GLIS3: variants seen among roughly 807,000 people sequenced by gnomAD.
The protein encoded by GLIS3 is zinc finger protein GLIS3.
GLIS3 carries 53 observed loss-of-function variants against 78.6 expected under a neutral mutation model. The ratio of observed to expected loss-of-function variants is 0.67; its 90% CI spans 0.54 to 0.85. The LOEUF (loss-of-function observed/expected upper bound fraction) is 0.85. GLIS3 is among the 40% of genes least tolerant of loss of function. The pLI is 0.00. For synonymous variants in GLIS3, 684 were observed against 509.9 expected, an observed-to-expected ratio of 1.34 and a Z score of -4.60; for missense variants, 1,703 against 1,231.1, an observed-to-expected ratio of 1.38 and a Z score of -5.74.
intron 2 of GLIS3, among the ~76,000 whole-genome samples, chr9:4,249,955 C>A (rs1000092811): frequency 6.6e-6 from 1 of 152,140 alleles, no homozygotes; most frequent in African/African-American, 2.4e-5. Context: ...AGCCTTGTAT[C>A]CTAGGGATGA....
intron 7 of GLIS3, among the ~76,000 whole-genome samples, chr9:3,894,064 C>A (rs562527485): frequency 3.9e-5 from 6 of 152,320 alleles, no homozygotes; most frequent in African/African-American, 1.4e-4. Context: ...ATGCTTCACA[C>A]AGACTTTGCC....
At chr9:3,992,842 C>T (rs966365089) in intron 4 of GLIS3, among the ~76,000 whole-genome samples, 1 of 152,170 alleles carries the variant, frequency 6.6e-6, no homozygotes, top group Non-Finnish European at 1.5e-5. Context: ...CTGATAAGGT[C>T]AAACACTTTT....
chr9:4,133,440 T>C (rs1400858434), intron 2 of GLIS3, among the ~76,000 whole-genome samples: 3 of 152,068 alleles, frequency 2.0e-5, no homozygotes, highest in African/African-American at 7.2e-5. Flanking sequence ...GACACTTGGG[T>C]ACTAAAAACA....
At chr9:4,203,426 T>G (rs1586965750) in intron 2 of GLIS3, among the ~76,000 whole-genome samples, 3 of 152,228 alleles carry the variant, frequency 2.0e-5, no homozygotes, top group Admixed American at 1.3e-4. Context: ...CCGAGATTTC[T>G]CAAGGAACTT....
chr9:4,113,861 G>A (rs185525705), intron 4 of GLIS3, among the ~76,000 whole-genome samples: 27 of 152,280 alleles, frequency 1.8e-4, no homozygotes, highest in African/African-American at 6.0e-4. Context: ...CAGGCAAAAT[G>A]CCTGTGGAGA....
At position 4,267,588 on chromosome 9, in the gene GLIS3, C is replaced by G. The variant is rs143447706; in HGVS notation, c.388+18450G>C. Among the ~76,000 whole-genome samples the G allele has an allele frequency of 2.8e-4, 42 of 152,274 alleles. No individual in the cohort carries two copies. The East Asian group carries it at 7.7e-3, about 28-fold the overall frequency. ...TAGCTACCGATAGCACCACCACTAC[C>G]AAGTCTATGTCTGGCACATCTTAGG... On this transcript the variant is annotated intron_variant, in intron 2 of 10. Transcript: ENST00000381971.
chr9:4,359,727 T>C, the GLIS3 span, among the ~76,000 whole-genome samples: 2 of 152,124 alleles, frequency 1.3e-5, no homozygotes, highest in Non-Finnish European at 2.9e-5. Flanking sequence ...TAAACAGACA[T>C]TGATTTCTGC....
intron 4 of GLIS3, among the ~76,000 whole-genome samples, chr9:4,033,633 C>A (rs1824046255): frequency 6.6e-6 from 1 of 152,056 alleles, no homozygotes; most frequent in African/African-American, 2.4e-5. Context: ...ATCCTAGGCT[C>A]CACCCTGGAC....
chr9:3,844,781 T>C (rs1278470184), intron 9 of GLIS3, among the ~76,000 whole-genome samples: 1 of 152,210 alleles, frequency 6.6e-6, no homozygotes, highest in Non-Finnish European at 1.5e-5. Context: ...TTACTATTAA[T>C]ACTGTCTTTA....
intron 8 of GLIS3, among the ~76,000 whole-genome samples, chr9:3,874,262 T>C (rs1821156437): frequency 6.6e-6 from 1 of 152,164 alleles, no homozygotes; most frequent in South Asian, 2.1e-4. Context: ...GCCTATGTAA[T>C]GAAGTCTCCA....
intron 6 of GLIS3, among the ~76,000 whole-genome samples, chr9:3,906,978 G>C (rs963880842): frequency 4.6e-5 from 7 of 151,950 alleles, no homozygotes; most frequent in African/African-American, 1.7e-4. Context: ...TCCTGTTTAT[G>C]ACTCACCTCC....
chr9:3,944,686 G>T (rs963904732), intron 4 of GLIS3, among the ~76,000 whole-genome samples: 3 of 152,152 alleles, frequency 2.0e-5, no homozygotes, highest in Non-Finnish European at 4.4e-5. Context: ...TTGATAACAC[G>T]CCAGTAGAGC....
the GLIS3 span, among the ~76,000 whole-genome samples, chr9:4,466,670 C>T: frequency 1.6e-4 from 25 of 152,254 alleles, 1 homozygote; most frequent in Admixed American, 4.6e-4. Flanking sequence ...GTGGAGGTTC[C>T]AAGATGGCTG....
At chr9:4,175,080 C>A (rs1038182732) in intron 2 of GLIS3, among the ~76,000 whole-genome samples, 5 of 152,156 alleles carry the variant, frequency 3.3e-5, no homozygotes, top group African/African-American at 7.2e-5. Context: ...AAAGAGCAGG[C>A]ATTTTAAGCA....
At chr9:3,991,532 T>G (rs896003984) in intron 4 of GLIS3, among the ~76,000 whole-genome samples, 7 of 152,150 alleles carry the variant, frequency 4.6e-5, no homozygotes, top group African/African-American at 1.7e-4. Context: ...CTTAACTTCC[T>G]ATATCTTAAT....
chr9:4,422,294 A>G, the GLIS3 span, among the ~76,000 whole-genome samples: 1 of 152,390 alleles, frequency 6.6e-6, no homozygotes, highest in Admixed American at 6.5e-5. Context: ...CTCATCAGAT[A>G]ACAAAGCAAA....
At chr9:4,356,638 A>C in the GLIS3 span, among the ~76,000 whole-genome samples, 2 of 152,250 alleles carry the variant, frequency 1.3e-5, no homozygotes, top group Non-Finnish European at 2.9e-5. Flanking sequence ...CAGCAGATTC[A>C]ACAGAGTGCA....
the GLIS3 span, among the ~76,000 whole-genome samples, chr9:4,467,122 A>T: frequency 6.6e-6 from 1 of 152,242 alleles, no homozygotes; most frequent in East Asian, 1.9e-4. Flanking sequence ...GCAGGTAAAC[A>T]AAGTGGACAG....
intron 1 of GLIS3, among the ~76,000 whole-genome samples, chr9:4,289,612 T>G (rs899700322): frequency 5.3e-5 from 8 of 151,992 alleles, no homozygotes; most frequent in Non-Finnish European, 5.9e-5. Context: ...CTAGTCAGCA[T>G]TTTCTCCTCT....
Sources: gnomAD v4.1 joint callset for allele counts (sites outside exome capture counted in the v4.1 genomes callset) on GRCh38, gnomAD v4.1.1 for gene constraint, MANE v1.5 for transcripts, NCBI Gene and HGNC (gene_info 2026-07-23, HGNC 2026-07-21) for gene names.